The following NIPBL variants were observed in gnomAD, a reference collection of about 807,000 sequenced individuals.
NIPBL encodes NIPBL cohesin loading factor, also known as nipped-B-like protein.
In NIPBL, 19 loss-of-function variants were observed where a neutral mutation model predicts 321.8. The ratio of observed to expected loss-of-function variants is 0.06; its 90% CI spans 0.04 to 0.09. NIPBL has a LOEUF of 0.09. Among genes scored for constraint, NIPBL ranks in the 10% least tolerant of loss-of-function variants. The probability of loss-of-function intolerance (pLI) is 1.00; values close to 1 mark genes in which losing one functional copy is unlikely to be tolerated. For missense variants in NIPBL, 2,210 were observed against 3,327.0 expected, an observed-to-expected ratio of 0.66 and a Z score of 8.26; for synonymous variants, 1,106 against 1,114.1, an observed-to-expected ratio of 0.99 and a Z score of 0.14.
chr5:36,928,178 C>T (rs1749509310), intron 1 of NIPBL, among the ~76,000 whole-genome samples: 1 of 152,142 alleles, frequency 6.6e-6, no homozygotes, highest in Admixed American at 6.5e-5. Flanking sequence ...AAGATGCCTT[C>T]CTACTTTAAT....
intron 3 of NIPBL, 62 bp downstream of exon 3, chr5:36,955,699 C>G: frequency 7.5e-7 from 1 of 1,331,222 alleles, no homozygotes. Context: ...TAAGAGAATC[C>G]GTATTCCTGG....
Position 36,917,225 on chromosome 5 carries a change from C to T in NIPBL, c.-79-36393C>T, listed in dbSNP as rs1222172450. The stretch of plus-strand genomic sequence containing the variant: ...GGTATCTCATTGTGGTTTTGATTTG[C>T]ATTTCTCTGATGACCAGTGATGATG... On this transcript the variant is annotated intron_variant, in intron 1 of 46. Transcript: ENST00000282516. 3.3e-5 allele frequency among the ~76,000 whole-genome samples: 5 copies of T among 152,316 alleles called. No individual in the cohort carries two copies. The East Asian group carries it at 9.6e-4, about 29-fold the overall frequency.
intron 1 of NIPBL, among the ~76,000 whole-genome samples, chr5:36,896,554 G>A (rs1305560926): frequency 2.0e-5 from 3 of 152,116 alleles, no homozygotes; most frequent in Non-Finnish European, 4.4e-5. Context: ...CAATCCAAGG[G>A]CATGGGAAGA....
At chr5:37,038,871 G>GT (rs1446492456) in intron 34 of NIPBL, 133 bp downstream of exon 34, 8 of 944,034 alleles carry the variant, frequency 8.5e-6, no homozygotes, top group Non-Finnish European at 1.3e-5. Flanking sequence ...TGTACTATTT[G>GT]TAGCAAGTGA....
chr5:36,885,243 A>G (rs572540322), intron 1 of NIPBL: 28 of 531,586 alleles, frequency 5.3e-5, no homozygotes, highest in South Asian at 1.4e-4. Context: ...TCCACCAACT[A>G]CTGGTTCCTG....
intron 1 of NIPBL, among the ~76,000 whole-genome samples, chr5:36,922,966 A>T (rs1214601130): frequency 6.6e-6 from 1 of 152,146 alleles, no homozygotes; most frequent in Non-Finnish European, 1.5e-5. Context: ...CATTTGAAAG[A>T]AAAGATTTGT....
At chr5:36,956,803 T>G (rs1741017060) in intron 3 of NIPBL, among the ~76,000 whole-genome samples, 1 of 151,830 alleles carries the variant, frequency 6.6e-6, no homozygotes, top group Admixed American at 6.6e-5. Context: ...TTTTGTATTT[T>G]TAGTAGAGAC....
chr5:37,003,010 G>GT lies in NIPBL; in HGVS notation c.3769-240dup, dbSNP rs371536615. On this transcript the variant is annotated intron_variant, in intron 15 of 46. Coordinates refer to ENST00000282516, the MANE Select transcript of NIPBL (RefSeq NM_133433.4). ...GGCATGGACTTTAATTTTTTCCAGAGTTTTTTTTTTTCATTTTCTCAAATA... is the reference window on the plus strand; with the variant it reads ...GGCATGGACTTTAATTTTTTCCAGAGTTTTTTTTTTTTCATTTTCTCAAATA... Among the ~76,000 whole-genome samples the GT allele has an allele frequency of 0.011, 1,595 of 144,048 alleles. 15 individuals carry two copies. Among genetic ancestry groups the GT allele is most frequent in the African/African-American group, 0.022 (876 of 39,586 alleles). 94.5% of individuals were successfully genotyped at this position (144,048 alleles called of 152,430 possible). A position where few individuals can be genotyped will look rare whatever the true frequency, so the allele number is the denominator to read the frequency against.
At position 37,053,618 on chromosome 5, in the gene NIPBL, A is replaced by G. The variant is rs1438038999; in HGVS notation, c.7263+1052A>G. 2.6e-5 allele frequency among the ~76,000 whole-genome samples: 4 copies of G among 152,198 alleles called. No homozygotes were observed. In the South Asian group the frequency reaches 8.3e-4, roughly 31 times the overall value. On this transcript the variant is annotated intron_variant, in intron 42 of 46. Coordinates refer to ENST00000282516, the MANE Select transcript of NIPBL (RefSeq NM_133433.4). ...TTTTGGACTATGGTTGACCAAGGGTAACTGAAACTATGGAAAGCAAAACAG... is the reference window on the plus strand; with the variant it reads ...TTTTGGACTATGGTTGACCAAGGGTGACTGAAACTATGGAAAGCAAAACAG...
intron 1 of NIPBL, among the ~76,000 whole-genome samples, chr5:36,946,610 A>T (rs1281884737): frequency 6.6e-6 from 1 of 151,588 alleles, no homozygotes; most frequent in South Asian, 2.1e-4. Context: ...ACACACACAT[A>T]TATGTACTTA....
At chr5:36,942,414 AGAGT>A (rs1219770712) in intron 1 of NIPBL, among the ~76,000 whole-genome samples, 3 of 121,430 alleles carry the variant, frequency 2.5e-5, no homozygotes, top group African/African-American at 3.3e-5. Context: ...CCTGGGTGAC[AGAGT>A]GAGACTCTGT....
chr5:36,913,712 G>T (rs1748232045), intron 1 of NIPBL, among the ~76,000 whole-genome samples: 1 of 152,138 alleles, frequency 6.6e-6, no homozygotes, highest in African/African-American at 2.4e-5. Context: ...TAGCATATTA[G>T]AGGTTGAATA....
Position 37,059,119 on chromosome 5 carries a change from C to A in NIPBL, c.7639C>A (p.Leu2547Ile), listed in dbSNP as rs774934420. The A allele has an allele frequency of 1.2e-6, 2 of 1,614,160 alleles. No homozygotes were observed. Among genetic ancestry groups the A allele is most frequent in the Non-Finnish European group, 1.7e-6 (2 of 1,180,006 alleles). ...ANVSQGILLL[L>I]MLKQHLKNLC... is the part of the protein sequence containing the mutation. ...TGTGTCCCAGGGTATTTTATTACTT[C>A]TCATGTTAAAACAACATTTGAAGAA... Residue 2547 changes from leucine to isoleucine, a missense_variant, in exon 44 of 47, where the codon CTC becomes ATC. Around this residue, in one of 14 missense-constraint regions of NIPBL, gnomAD observed 159 missense variants for 319.2 expected, o/e 0.50. Coordinates refer to ENST00000282516, the MANE Select transcript of NIPBL (RefSeq NM_133433.4).
intron 1 of NIPBL, among the ~76,000 whole-genome samples, chr5:36,918,461 C>T (rs990822038): frequency 6.6e-6 from 1 of 152,128 alleles, no homozygotes; most frequent in African/African-American, 2.4e-5. Context: ...ACAGTCATGT[C>T]ATCTGCAAAC....
At chr5:36,970,788 T>A in intron 6 of NIPBL, 88 bp from the exon 7 acceptor site, 2 of 1,170,772 alleles carry the variant, frequency 1.7e-6, no homozygotes, top group South Asian at 2.6e-5. Context: ...GTAATTTCTA[T>A]ATGCTTAAAA....
At chr5:37,023,540 T>C (rs1214462703) in intron 29 of NIPBL, among the ~76,000 whole-genome samples, 1 of 152,112 alleles carries the variant, frequency 6.6e-6, no homozygotes, top group Non-Finnish European at 1.5e-5. Context: ...CACTTCAGTT[T>C]GTAACACCAA....
At chr5:36,890,834 GT>G (rs1746266813) in intron 1 of NIPBL, among the ~76,000 whole-genome samples, 1 of 152,236 alleles carries the variant, frequency 6.6e-6, no homozygotes, top group Non-Finnish European at 1.5e-5. Flanking sequence ...CCATTACTTA[GT>G]CTTAATATTT....
intron 1 of NIPBL, among the ~76,000 whole-genome samples, chr5:36,882,332 C>T (rs776197075): frequency 3.3e-5 from 5 of 151,714 alleles, no homozygotes; most frequent in Non-Finnish European, 7.4e-5. Flanking sequence ...TTGAATGTTT[C>T]CATGTGACAG....
chr5:36,959,844 C>T (rs1741408725), intron 4 of NIPBL, among the ~76,000 whole-genome samples: 1 of 151,750 alleles, frequency 6.6e-6, no homozygotes, highest in Non-Finnish European at 1.5e-5. Flanking sequence ...GTATACCCTA[C>T]TTTGTAAAAG....
Sources: allele counts gnomAD v4.1 joint callset (sites outside exome capture counted in the v4.1 genomes callset), GRCh38; gene constraint gnomAD v4.1.1; regional missense constraint gnomAD v4.1.1; transcripts MANE v1.5; gene names NCBI Gene and HGNC (gene_info 2026-07-23, HGNC 2026-07-21).